PPP2R2B: variants seen among roughly 807,000 people sequenced by gnomAD.
The protein encoded by PPP2R2B is serine/threonine-protein phosphatase 2A 55 kDa regulatory subunit B beta isoform.
A neutral mutation model predicts 46.0 loss-of-function variants in PPP2R2B; 5 were observed. The ratio of observed to expected loss-of-function variants is 0.11; its 90% CI spans 0.06 to 0.23. The LOEUF is 0.23. Ranked by LOEUF, PPP2R2B falls within the 10% of genes least tolerant of loss-of-function variation. The pLI is 1.00. For missense variants in PPP2R2B, 367 were observed against 575.0 expected, an observed-to-expected ratio of 0.64 and a Z score of 3.70; for synonymous variants, 215 against 206.7, an observed-to-expected ratio of 1.04 and a Z score of -0.34.
At chr5:146,662,171 A>C (rs1030098278) in intron 5 of PPP2R2B, among the ~76,000 whole-genome samples, 7 of 152,186 alleles carry the variant, frequency 4.6e-5, no homozygotes, top group African/African-American at 1.7e-4. Flanking sequence ...CAGAACCAAG[A>C]AGATAAATAC....
chr5:146,704,908 A>G (rs2151172215), intron 2 of PPP2R2B, among the ~76,000 whole-genome samples: 1 of 152,360 alleles, frequency 6.6e-6, no homozygotes, highest in Non-Finnish European at 1.5e-5. Flanking sequence ...AGTCTCTTGC[A>G]GTATCATGCT....
At chr5:147,007,144 G>T (rs115957995) in intron 1 of PPP2R2B, among the ~76,000 whole-genome samples, 3,408 of 152,180 alleles carry the variant, frequency 0.022, 150 homozygotes, top group African/African-American at 0.077. Context: ...CTGACCCGCT[G>T]GTCCTTTCAC....
chr5:146,628,093 C>T (rs556881195), intron 7 of PPP2R2B, among the ~76,000 whole-genome samples: 15 of 151,966 alleles, frequency 9.9e-5, no homozygotes, highest in South Asian at 4.2e-4. Context: ...TACAGGTGTG[C>T]GCTACCATGC....
chr5:146,729,672 C>T (rs939305198), intron 2 of PPP2R2B, among the ~76,000 whole-genome samples: 7 of 152,220 alleles, frequency 4.6e-5, no homozygotes, highest in Admixed American at 3.9e-4. Flanking sequence ...AAAGGGCCAA[C>T]ATACAGCTTG....
intron 1 of PPP2R2B, among the ~76,000 whole-genome samples, chr5:146,886,175 A>G (rs2963082): frequency 0.42 from 64,082 of 151,318 alleles, 14,052 homozygotes; most frequent in East Asian, 0.7. Flanking sequence ...CGTCTCTACT[A>G]AAAATACAAA....
chr5:146,711,142 C>T (rs1338581417), intron 2 of PPP2R2B, among the ~76,000 whole-genome samples: 1 of 152,214 alleles, frequency 6.6e-6, no homozygotes, highest in Non-Finnish European at 1.5e-5. Flanking sequence ...CTGTTTCAGT[C>T]TCTTCATTGT....
At chr5:146,986,318 G>A (rs965917926) in intron 1 of PPP2R2B, among the ~76,000 whole-genome samples, 2 of 152,124 alleles carry the variant, frequency 1.3e-5, no homozygotes, top group Non-Finnish European at 2.9e-5. Context: ...CTTGATTCCA[G>A]GCCAATGTCC....
At chr5:146,963,229 A>G (rs564895680) in intron 1 of PPP2R2B, among the ~76,000 whole-genome samples, 1 of 152,156 alleles carries the variant, frequency 6.6e-6, no homozygotes, top group Non-Finnish European at 1.5e-5. Flanking sequence ...AGTGCAGACA[A>G]TCATTGCATG....
upstream of PPP2R2B, among the ~76,000 whole-genome samples, chr5:147,060,769 G>A (rs1473105375): frequency 6.6e-6 from 1 of 152,190 alleles, no homozygotes; most frequent in African/African-American, 2.4e-5. Flanking sequence ...ATCCAATAAA[G>A]TGCTTAGAAT....
intron 1 of PPP2R2B, among the ~76,000 whole-genome samples, chr5:146,907,575 C>A (rs1283789839): frequency 6.6e-6 from 1 of 152,232 alleles, no homozygotes; most frequent in East Asian, 1.9e-4. Flanking sequence ...CCTGAACATC[C>A]CCCCTGAGGC....
chr5:146,775,595 A>G (rs1755134039), intron 2 of PPP2R2B, among the ~76,000 whole-genome samples: 1 of 152,166 alleles, frequency 6.6e-6, no homozygotes, highest in South Asian at 2.1e-4. Flanking sequence ...TATCACTTAT[A>G]TTCAACATAA....
chr5:147,079,267 T>A (rs1446024024), intron 2 of PPP2R2B, among the ~76,000 whole-genome samples: 1 of 150,790 alleles, frequency 6.6e-6, no homozygotes, highest in Non-Finnish European at 1.5e-5. Context: ...AGAAATCTGC[T>A]CTCCCATGTT....
At chr5:146,823,583 A>G (rs1413431664) in intron 2 of PPP2R2B, among the ~76,000 whole-genome samples, 1 of 152,156 alleles carries the variant, frequency 6.6e-6, no homozygotes, top group African/African-American at 2.4e-5. Flanking sequence ...TTTAATTTCG[A>G]GAATTAACTT....
chr5:146,695,333 A>G (rs1412791339), intron 4 of PPP2R2B, among the ~76,000 whole-genome samples: 1 of 152,116 alleles, frequency 6.6e-6, no homozygotes, highest in Non-Finnish European at 1.5e-5. Flanking sequence ...GAGAAAAACA[A>G]ATTCAGTATA....
intron 2 of PPP2R2B, among the ~76,000 whole-genome samples, chr5:146,865,293 GACAC>G (rs36219835): frequency 0.17 from 24,449 of 145,820 alleles, 2,236 homozygotes; most frequent in East Asian, 0.34. Flanking sequence ...CTTTGTCTCT[GACAC>G]ACACACACAC....
intron 1 of PPP2R2B, among the ~76,000 whole-genome samples, chr5:146,890,576 G>C (rs577819779): frequency 1.3e-5 from 2 of 152,314 alleles, no homozygotes; most frequent in East Asian, 3.9e-4. Context: ...AGTGTGATAA[G>C]TTACAGAAGC....
chr5:146,875,935 A>T (rs927472544), intron 2 of PPP2R2B, among the ~76,000 whole-genome samples: 1 of 152,228 alleles, frequency 6.6e-6, no homozygotes, highest in Non-Finnish European at 1.5e-5. Context: ...TGAAACGAAT[A>T]GGTCAAAACT....
intron 2 of PPP2R2B, among the ~76,000 whole-genome samples, chr5:146,819,680 C>T (rs1284426168): frequency 6.6e-6 from 1 of 151,984 alleles, no homozygotes; most frequent in Non-Finnish European, 1.5e-5. Context: ...AAAGAAATTA[C>T]AGAGATACCC....
intron 2 of PPP2R2B, among the ~76,000 whole-genome samples, chr5:146,819,431 A>C (rs1157661433): frequency 6.6e-6 from 1 of 152,196 alleles, no homozygotes; most frequent in African/African-American, 2.4e-5. Context: ...ACACAACCAC[A>C]GAACAGAAGA....
Sources: allele counts gnomAD v4.1 joint callset (sites outside exome capture counted in the v4.1 genomes callset), GRCh38; gene constraint gnomAD v4.1.1; transcripts MANE v1.5; gene names NCBI Gene and HGNC (gene_info 2026-07-23, HGNC 2026-07-21).